Variants in TXNDC11 observed in about 807,000 individuals in gnomAD.
TXNDC11 encodes thioredoxin domain containing 11.
A neutral mutation model predicts 78.0 loss-of-function variants in TXNDC11; 68 were observed. That is an observed-to-expected ratio of 0.87 (90% CI 0.72 to 1.07). TXNDC11 has a LOEUF of 1.07. Among genes scored for constraint, TXNDC11 ranks in the 50% least tolerant of loss-of-function variants. The pLI, the probability that TXNDC11 is intolerant of heterozygous loss-of-function variation, is 0.00. For synonymous variants in TXNDC11, 571 were observed against 495.2 expected (o/e 1.15, Z -2.03); for missense variants, 1,389 against 1,221.8 (o/e 1.14, Z -2.04).
intron 11 of TXNDC11, among the ~76,000 whole-genome samples, chr16:11,681,613 C>A (rs753694110): frequency 6.6e-6 from 1 of 152,194 alleles, no homozygotes; most frequent in African/African-American, 2.4e-5. Context: ...CTCTAAAAAA[C>A]TGTGATTCTT....
intron 4 of TXNDC11, among the ~76,000 whole-genome samples, chr16:11,727,754 T>C (rs1567343780): frequency 7.0e-6 from 1 of 143,042 alleles, no homozygotes; most frequent in Non-Finnish European, 1.5e-5. Context: ...TATAAGCAGA[T>C]AAACTTTTAA....
At chr16:11,725,875 C>T (rs968921320) in intron 4 of TXNDC11, among the ~76,000 whole-genome samples, 2 of 152,018 alleles carry the variant, frequency 1.3e-5, no homozygotes, top group African/African-American at 4.8e-5. Context: ...GTCTCAGAGT[C>T]TTGTCTTTGT....
Position 11,721,748 on chromosome 16 carries a change from A to G in TXNDC11, c.700-78T>C, listed in dbSNP as rs2051714380. Reference sequence around the variant, plus strand: ...AATGGAGGATATTTTAAAGCAAGACATATTACAATTTGACAATTAATGCAT... The same window carrying G: ...AATGGAGGATATTTTAAAGCAAGACGTATTACAATTTGACAATTAATGCAT... On this transcript the variant is annotated intron_variant, in intron 4 of 11. Coordinates refer to ENST00000283033, the MANE Select transcript of TXNDC11 (RefSeq NM_015914.7). 3 of 759,484 alleles carry G rather than the reference A, an allele frequency of 4.0e-6. No homozygotes were observed. In the South Asian group the frequency reaches 4.9e-5, roughly 12 times the overall value. The allele number at this position is 759,484 out of a possible 1,614,324, so 47.0% of individuals were successfully genotyped here. A position where few individuals can be genotyped will look rare whatever the true frequency, so the allele number is the denominator to read the frequency against.
chr16:11,724,530 G>A (rs1339474165), intron 4 of TXNDC11, among the ~76,000 whole-genome samples: 2 of 152,176 alleles, frequency 1.3e-5, no homozygotes, highest in African/African-American at 4.8e-5. Flanking sequence ...TTTGGGGGCT[G>A]AGATGGGAGG....
At chr16:11,731,629 C>G (rs1336163902) in intron 3 of TXNDC11, among the ~76,000 whole-genome samples, 1 of 151,874 alleles carries the variant, frequency 6.6e-6, no homozygotes, top group Non-Finnish European at 1.5e-5. Flanking sequence ...AACAAGAGCC[C>G]AGTGAAGAAT....
chr16:11,683,543 T>C (rs1057252832), intron 11 of TXNDC11, among the ~76,000 whole-genome samples: 6 of 150,160 alleles, frequency 4.0e-5, no homozygotes, highest in East Asian at 3.9e-4. Flanking sequence ...CACACAAACA[T>C]TGCACCACTG....
chr16:11,736,261 T>C (rs759322999), intron 1 of TXNDC11, 28 bp from the exon 2 acceptor site: 1 of 1,524,816 alleles, frequency 6.6e-7, no homozygotes, highest in Non-Finnish European at 9.0e-7. Context: ...CAGAAAAGAT[T>C]GCTTAGTTTA....
chr16:11,731,755 AATG>A (rs2052059228), intron 3 of TXNDC11, among the ~76,000 whole-genome samples: 1 of 152,110 alleles, frequency 6.6e-6, no homozygotes, highest in Non-Finnish European at 1.5e-5. Flanking sequence ...TGCACTGCAG[AATG>A]ATGTTAAAGG....
Position 11,679,854 on chromosome 16 carries a change from A to G in TXNDC11, c.2235-17T>C, listed in dbSNP as rs777956027. 1 of 1,595,320 alleles carries G rather than the reference A, an allele frequency of 6.3e-7. No homozygotes were observed. Among genetic ancestry groups the G allele is most frequent in the Non-Finnish European group, 8.6e-7 (1 of 1,167,680 alleles). ...AGGTCCTTTCTGGAGAGAGAGGGAA[A>G]GGAAGCAAAGACAGGAGTCACACCA... On this transcript the variant is annotated splice_polypyrimidine_tract_variant and intron_variant, in intron 11 of 11. Transcript: ENST00000283033. The surrounding 1 kb of genome is among the most constrained non-coding windows in gnomAD (Gnocchi z 4.6).
At chr16:11,737,654 G>A (rs2052265217) in intron 1 of TXNDC11, among the ~76,000 whole-genome samples, 1 of 151,596 alleles carries the variant, frequency 6.6e-6, no homozygotes, top group Non-Finnish European at 1.5e-5. Flanking sequence ...ACGAGGTCAG[G>A]AGATCAAGAC....
chr16:11,712,786 C>T (rs1056879636), intron 5 of TXNDC11, among the ~76,000 whole-genome samples: 1 of 151,842 alleles, frequency 6.6e-6, no homozygotes, highest in Admixed American at 6.6e-5. Flanking sequence ...AACTACATCT[C>T]TACAAAAAAA....
chr16:11,728,721 C>A (rs1422068582), intron 4 of TXNDC11, among the ~76,000 whole-genome samples: 1 of 152,054 alleles, frequency 6.6e-6, no homozygotes, highest in African/African-American at 2.4e-5. Context: ...TGAGGCAGAA[C>A]GATCGCTTGA....
chr16:11,703,588 CAT>C (rs1390011804), intron 5 of TXNDC11: 9 of 667,414 alleles, frequency 1.3e-5, no homozygotes, highest in Admixed American at 6.3e-5. Context: ...GATATATGCA[CAT>C]GTGTGGGTAT....
At chr16:11,722,829 G>C (rs538731865) in intron 4 of TXNDC11, among the ~76,000 whole-genome samples, 1 of 152,156 alleles carries the variant, frequency 6.6e-6, no homozygotes, top group Non-Finnish European at 1.5e-5. Context: ...TGTTGGTAAA[G>C]TTTAAAATCA....
chr16:11,713,407 A>C (rs2051427251), intron 5 of TXNDC11, among the ~76,000 whole-genome samples: 1 of 152,170 alleles, frequency 6.6e-6, no homozygotes, highest in African/African-American at 2.4e-5. Flanking sequence ...GGGGACATAA[A>C]GTATGGAATT....
chr16:11,703,519 C>T (rs74008199), intron 5 of TXNDC11: 9 of 466,520 alleles, frequency 1.9e-5, no homozygotes, highest in Middle Eastern at 3.1e-4. Context: ...TACACACACA[C>T]ACACACACAC....
Position 11,691,769 on chromosome 16 carries a change from G to T in TXNDC11, c.1421C>A (p.Ser474Tyr), listed in dbSNP as rs1412314061. The T allele has an allele frequency of 1.4e-5, 22 of 1,614,226 alleles. No individual in the cohort carries two copies. Among genetic ancestry groups the T allele is most frequent in the Non-Finnish European group, 1.7e-5 (20 of 1,180,046 alleles). Residue 474 changes from serine to tyrosine, a missense_variant, in exon 8 of 12, where the codon TCT becomes TAT. Coordinates refer to ENST00000283033, the MANE Select transcript of TXNDC11 (RefSeq NM_015914.7). ...AAAGGTCTGCTCCTTGAGGTAGAAA[G>T]AATCCAGAGCTGCTGCCATTTCAAA... ...SFFEMAAALD[S>Y]FYLKEQTFYH...
In TXNDC11 at chr16:11,714,313, C is replaced by G. The variant is rs548299350; in HGVS notation, c.793+7264G>C. Among the ~76,000 whole-genome samples, 511 of 152,272 alleles carry G rather than the reference C, an allele frequency of 3.4e-3. 2 individuals are homozygous for G. Among genetic ancestry groups the G allele is most frequent in the Non-Finnish European group, 5.4e-3 (365 of 68,022 alleles). On this transcript the variant is annotated intron_variant, in intron 5 of 11. Coordinates refer to ENST00000283033, the MANE Select transcript of TXNDC11 (RefSeq NM_015914.7). ...TGCTAGGATTACAGGCGTGAGCCAC[C>G]GTGCCCCGCCAAGATCTTTTGATGC...
chr16:11,714,148 C>T (rs1338693343), intron 5 of TXNDC11, among the ~76,000 whole-genome samples: 1 of 151,996 alleles, frequency 6.6e-6, no homozygotes, highest in African/African-American at 2.4e-5. Flanking sequence ...TTCAAACCAT[C>T]CTCCCACCTC....
Sources: allele counts gnomAD v4.1 joint callset (sites outside exome capture counted in the v4.1 genomes callset), GRCh38; gene constraint gnomAD v4.1.1; non-coding constraint Gnocchi (gnomAD v3.1); transcripts MANE v1.5; gene names NCBI Gene and HGNC (gene_info 2026-07-23, HGNC 2026-07-21).